SLC66A3: variants seen among roughly 807,000 people sequenced by gnomAD.
SLC66A3 encodes the protein PQ loop repeat containing 3.
In SLC66A3, 23 loss-of-function variants were observed where a neutral mutation model predicts 25.5. The ratio of observed to expected loss-of-function variants is 0.90; its 90% CI spans 0.65 to 1.28. The LOEUF (loss-of-function observed/expected upper bound fraction) is 1.28. SLC66A3 is among the 50% of genes most tolerant of loss of function. The pLI is 0.00. For missense variants in SLC66A3, 246 were observed against 262.1 expected (o/e 0.94, Z 0.42); for synonymous variants, 108 against 112.6 (o/e 0.96, Z 0.26).
chr2:11,168,099 T>C (rs1344027239), intron 4 of SLC66A3, among the ~76,000 whole-genome samples: 4 of 151,988 alleles, frequency 2.6e-5, no homozygotes, highest in South Asian at 2.1e-4. Flanking sequence ...GCTAACACGG[T>C]GAAACCTCGT....
At chr2:11,170,284 G>C (rs554089760) in intron 4 of SLC66A3, among the ~76,000 whole-genome samples, 1 of 152,286 alleles carries the variant, frequency 6.6e-6, no homozygotes, top group African/African-American at 2.4e-5. Flanking sequence ...TAGCCTAACT[G>C]GTCTCCCAGG....
chr2:11,163,432 G>A (rs1662194429), intron 3 of SLC66A3, among the ~76,000 whole-genome samples: 2 of 152,214 alleles, frequency 1.3e-5, no homozygotes, highest in African/African-American at 4.8e-5. Flanking sequence ...CAGGCTGTGA[G>A]TATTTAGTTC....
intron 1 of SLC66A3, among the ~76,000 whole-genome samples, chr2:11,156,291 G>A (rs967214437): frequency 1.3e-5 from 2 of 152,168 alleles, no homozygotes; most frequent in Admixed American, 6.5e-5. Context: ...AAGGGGTGAC[G>A]GAAAGGTCGT....
Position 11,177,729 on chromosome 2 carries a change from T to A in SLC66A3, c.518-8T>A, listed in dbSNP as rs751236104. On this transcript the variant is annotated splice_polypyrimidine_tract_variant and splice_region_variant and intron_variant, in intron 6 of 6. Coordinates refer to ENST00000295083, the MANE Select transcript of SLC66A3 (RefSeq NM_152391.5). ...ACAGTTTTTAATACACTTTTTTTTT[T>A]ATTTCAGTTCTTCTACGTTTTGTGA... 3.2e-5 allele frequency: 50 copies of A among 1,585,772 alleles called. No homozygotes were observed. The highest frequency in any genetic ancestry group is 1.7e-4 in the Middle Eastern group (1 of 6,040).
Position 11,155,571 on chromosome 2 carries a change from T to G in SLC66A3, c.25T>G (p.Cys9Gly). 2.0e-6 allele frequency: 3 copies of G among 1,512,990 alleles called. No homozygotes were observed. The highest frequency in any genetic ancestry group is 2.6e-6 in the Non-Finnish European group (3 of 1,140,092). 93.7% of individuals were successfully genotyped at this position (1,512,990 alleles called of 1,614,324 possible). The change falls in exon 1 of 7, where the codon TGT (cysteine) becomes GGT (glycine). Residue 9 changes from cysteine (C) to glycine (G), a missense_variant. Cys to Gly is a radical substitution (Grantham distance 159). Transcript: ENST00000295083. MEAALLGL[C>G]NWSTLGVCAA... ...TATGGAGGCGGCGCTGCTGGGGCTGTGTAACTGGAGCACGCTGGGCGTGTG... is the reference window on the plus strand; with the variant it reads ...TATGGAGGCGGCGCTGCTGGGGCTGGGTAACTGGAGCACGCTGGGCGTGTG...
intron 4 of SLC66A3, among the ~76,000 whole-genome samples, chr2:11,167,811 G>A (rs976650681): frequency 2.0e-5 from 3 of 152,134 alleles, no homozygotes; most frequent in Non-Finnish European, 4.4e-5. Flanking sequence ...CTAGAGAGGA[G>A]CGGGTGCTGC....
At chr2:11,165,124 C>G (rs1203771572) in intron 4 of SLC66A3, among the ~76,000 whole-genome samples, 1 of 151,884 alleles carries the variant, frequency 6.6e-6, no homozygotes, top group Admixed American at 6.5e-5. Flanking sequence ...AGAGGCACCC[C>G]CCACCTCCCG....
chr2:11,162,754 C>T (rs1231103093), intron 3 of SLC66A3, among the ~76,000 whole-genome samples: 1 of 151,996 alleles, frequency 6.6e-6, no homozygotes, highest in Non-Finnish European at 1.5e-5. Context: ...CTACAGGCGC[C>T]CACCACCATG....
rs1013251288 is a variant in SLC66A3 at position 11,178,019 on chromosome 2, T to C, written c.*191T>C. 1 of 554,464 alleles carries C rather than the reference T, an allele frequency of 1.8e-6. No homozygotes were observed. The allele number at this position is 554,464 out of a possible 1,614,324, so 34.3% of individuals were successfully genotyped here. ...TAAAAATACCAATTTGCCTCCTCCTTCCTCACTTCGTTAGGTTATGGTAGT... is the reference window on the plus strand; with the variant it reads ...TAAAAATACCAATTTGCCTCCTCCTCCCTCACTTCGTTAGGTTATGGTAGT... On this transcript the variant is annotated 3_prime_UTR_variant, in exon 7 of 7. Transcript: ENST00000295083.
chr2:11,165,172 C>T (rs1662278715), intron 4 of SLC66A3, among the ~76,000 whole-genome samples: 2 of 151,736 alleles, frequency 1.3e-5, no homozygotes, highest in South Asian at 2.1e-4. Flanking sequence ...GACCCCCCAC[C>T]TCCCTCCTGG....
intron 1 of SLC66A3, among the ~76,000 whole-genome samples, chr2:11,158,511 A>C (rs1661988221): frequency 6.6e-6 from 1 of 152,212 alleles, no homozygotes; most frequent in Non-Finnish European, 1.5e-5. Flanking sequence ...AGATACAAAA[A>C]ATTAGCTGGG....
Position 11,168,870 on chromosome 2 carries a change from T to G in SLC66A3, c.355-3055T>G, listed in dbSNP as rs36036166. On this transcript the variant is annotated intron_variant, in intron 4 of 6. Transcript: ENST00000295083. ...CCTTCTCCATAATTCCTTTTTTTTT[T>G]CTTGTGAGACAGAGTCTGACCCTGT... 3.4e-3 allele frequency among the ~76,000 whole-genome samples: 516 copies of G among 152,132 alleles called. 4 individuals carry two copies. The highest frequency in any genetic ancestry group is 5.6e-3 in the Non-Finnish European group (384 of 67,982).
intron 3 of SLC66A3, 103 bp downstream of exon 3, chr2:11,160,797 AAACT>A (rs368287850): frequency 3.1e-5 from 43 of 1,376,908 alleles, no homozygotes; most frequent in African/African-American, 2.1e-4. Context: ...TTTTTTGGTT[AAACT>A]AAAAAAAAAA....
chr2:11,164,177 C>CT, intron 3 of SLC66A3, 27 bp from the exon 4 acceptor site: 1 of 1,513,416 alleles, frequency 6.6e-7, no homozygotes, highest in Non-Finnish European at 9.0e-7. Flanking sequence ...GGGTGACCCA[C>CT]TGCTGTGTCC....
intron 4 of SLC66A3, among the ~76,000 whole-genome samples, chr2:11,169,809 G>A (rs562911811): frequency 6.5e-4 from 97 of 150,284 alleles, no homozygotes; most frequent in Non-Finnish European, 1.1e-3. Context: ...CAGAAACACC[G>A]GAGATTAGAA....
At chr2:11,160,744 G>A (rs375308865) in intron 3 of SLC66A3, 50 bp downstream of exon 3, 21 of 1,612,338 alleles carry the variant, frequency 1.3e-5, no homozygotes, top group Admixed American at 1.7e-5. Context: ...TGTTATTTGT[G>A]AATGGTATGC....
At chr2:11,168,065 G>A (rs1322002335) in intron 4 of SLC66A3, among the ~76,000 whole-genome samples, 3 of 152,168 alleles carry the variant, frequency 2.0e-5, no homozygotes, top group African/African-American at 7.2e-5. Flanking sequence ...CGGATCACAA[G>A]GTCAGGAGAT....
chr2:11,170,592 C>CTT lies in SLC66A3; in HGVS notation c.355-1320_355-1319dup, dbSNP rs35403631. On this transcript the variant is annotated intron_variant, in intron 4 of 6. Coordinates refer to ENST00000295083, the MANE Select transcript of SLC66A3 (RefSeq NM_152391.5). ...AGCTCTAAAACACAGTATCTCAGTA[C>CTT]TTTTTTTTTTTTTTGAGACGGAGTT... is the stretch of plus-strand genomic sequence containing the variant. 2.9e-3 allele frequency among the ~76,000 whole-genome samples: 426 copies of CTT among 144,558 alleles called. 3 individuals carry two copies. Among genetic ancestry groups the CTT allele is most frequent in the Admixed American group, 5.2e-3 (75 of 14,468 alleles). 94.8% of individuals were successfully genotyped at this position (144,558 alleles called of 152,430 possible).
intron 4 of SLC66A3, 84 bp downstream of exon 4, chr2:11,164,345 A>ATTTTTTTTTTTTTTTTTTT (rs541806283): frequency 3.2e-5 from 3 of 92,822 alleles, no homozygotes; most frequent in African/African-American, 1.4e-4. Flanking sequence ...ATATATATAT[A>ATTTTTTTTTTTTTTTTTTT]TTTTTTTTTT....
Sources: gnomAD v4.1 joint callset for allele counts (sites outside exome capture counted in the v4.1 genomes callset) on GRCh38, gnomAD v4.1.1 for gene constraint, MANE v1.5 for transcripts, NCBI Gene and HGNC (gene_info 2026-07-23, HGNC 2026-07-21) for gene names.